The following GYPB variants were observed in gnomAD, a reference collection of about 807,000 sequenced individuals.
GYPB encodes glycophorin-B.
Under a neutral mutation model 15.3 loss-of-function variants are expected in GYPB, and 13 were observed. That is an observed-to-expected ratio of 0.85 (90% CI 0.55 to 1.35). GYPB has a LOEUF of 1.35. GYPB is among the 40% of genes most tolerant of loss of function. The pLI, the probability that GYPB is intolerant of heterozygous loss-of-function variation, is 0.00. For synonymous variants in GYPB, 38 were observed against 36.9 expected, an observed-to-expected ratio of 1.03 and a Z score of -0.11; for missense variants, 131 against 108.3, an observed-to-expected ratio of 1.21 and a Z score of -0.93.
At chr4:144,001,050 T>C (rs1579050060) in intron 2 of GYPB, 135 bp downstream of exon 2, 3 of 1,453,370 alleles carry the variant, frequency 2.1e-6, no homozygotes, top group Non-Finnish European at 2.8e-6. Flanking sequence ...TTGTGTCTAC[T>C]TAGTAGGCTG....
chr4:144,011,752 T>A (rs1728232495), intron 1 of GYPB, among the ~76,000 whole-genome samples: 1 of 151,378 alleles, frequency 6.6e-6, no homozygotes, highest in Non-Finnish European at 1.5e-5. Flanking sequence ...ACAGATTTTA[T>A]TAGGCATTCC....
intron 1 of GYPB, among the ~76,000 whole-genome samples, chr4:144,007,552 A>G (rs1471108705): frequency 6.6e-6 from 1 of 151,520 alleles, no homozygotes; most frequent in Non-Finnish European, 1.5e-5. Flanking sequence ...TTGCTGAGAC[A>G]GCAGAGGTGG....
At chr4:144,002,518 A>G (rs1727678776) in intron 1 of GYPB, 5 of 1,070,078 alleles carry the variant, frequency 4.7e-6, no homozygotes, top group Non-Finnish European at 3.8e-6. Flanking sequence ...CACTCTTCTG[A>G]GAGTTATAAA....
chr4:143,997,435 A>G lies in GYPB; in HGVS notation c.270+105T>C, dbSNP rs1727380038. 1.3e-5 allele frequency: 9 copies of G among 692,894 alleles called. No individual in the cohort carries two copies. In the Admixed American group the frequency reaches 2.0e-4, roughly 15 times the overall value. The allele number at this position is 692,894 out of a possible 1,614,324, so 42.9% of individuals were successfully genotyped here. A position where few individuals can be genotyped will look rare whatever the true frequency, so the allele number is the denominator to read the frequency against. On this transcript the variant is annotated intron_variant, in intron 4 of 4. Coordinates refer to ENST00000502664, the MANE Select transcript of GYPB (RefSeq NM_002100.6). ...GTCCAGTTGAAAAAGATGGAATTTT[A>G]TGCAGTTCTGTTTCTCTTCTGAGTT...
In GYPB at chr4:144,015,934, A is replaced by G. The variant is rs1012762126; in HGVS notation, c.37+3317T>C. On this transcript the variant is annotated intron_variant, in intron 1 of 4. Transcript: ENST00000502664. ...TTCATGGCTAAACTAGTCTGCCACA[A>G]AATTCTGGTCATTTGTCATTTGTCA... Among the ~76,000 whole-genome samples the G allele has an allele frequency of 6.0e-5, 9 of 151,082 alleles. 1 individual carries two copies. Among genetic ancestry groups the G allele is most frequent in the African/African-American group, 1.5e-4 (6 of 40,428 alleles).
intron 1 of GYPB, among the ~76,000 whole-genome samples, chr4:144,007,092 G>A (rs1173433300): frequency 1.3e-5 from 2 of 150,758 alleles, no homozygotes; most frequent in Non-Finnish European, 2.9e-5. Context: ...ACTGTCTGTG[G>A]CCATTCATTT....
chr4:144,006,219 C>T (rs1404420161), intron 1 of GYPB, among the ~76,000 whole-genome samples: 13 of 151,942 alleles, frequency 8.6e-5, no homozygotes, highest in African/African-American at 3.2e-4. Flanking sequence ...AATTGGTATA[C>T]TTTCTAGAAA....
At chr4:144,013,053 A>T (rs1728299216) in intron 1 of GYPB, among the ~76,000 whole-genome samples, 1 of 151,700 alleles carries the variant, frequency 6.6e-6, no homozygotes, top group Non-Finnish European at 1.5e-5. Context: ...AGTATATCTG[A>T]TAAGACTCTT....
In GYPB at chr4:144,001,131, G is replaced by A. The variant is rs149129668; in HGVS notation, c.136+54C>T. 994 of 1,611,844 alleles carry A rather than the reference G, an allele frequency of 6.2e-4. 61 individuals are homozygous for A. In the African/African-American group the frequency reaches 0.012, roughly 19 times the overall value. Reference sequence around the variant, plus strand: ...GTGACAGGTCCCCTAAAATAGGGTTGCATCACAAAAATCATTTCGGAGCCA... The same window carrying A: ...GTGACAGGTCCCCTAAAATAGGGTTACATCACAAAAATCATTTCGGAGCCA... On this transcript the variant is annotated intron_variant, in intron 2 of 4. Coordinates refer to ENST00000502664, the MANE Select transcript of GYPB (RefSeq NM_002100.6).
At chr4:144,011,825 G>T (rs1728236117) in intron 1 of GYPB, among the ~76,000 whole-genome samples, 1 of 151,278 alleles carries the variant, frequency 6.6e-6, no homozygotes, top group Admixed American at 6.6e-5. Flanking sequence ...TGTTTTTGAA[G>T]TCTGAATCTA....
At chr4:144,014,176 G>A (rs1728371337) in intron 1 of GYPB, among the ~76,000 whole-genome samples, 1 of 151,814 alleles carries the variant, frequency 6.6e-6, no homozygotes, top group African/African-American at 2.4e-5. Context: ...CAGCTCCTGT[G>A]GAAAAGAGTT....
At chr4:144,007,419 G>T (rs1273331729) in intron 1 of GYPB, among the ~76,000 whole-genome samples, 2 of 151,762 alleles carry the variant, frequency 1.3e-5, no homozygotes, top group Non-Finnish European at 2.9e-5. Flanking sequence ...GAAGGGTGCT[G>T]TATTTATTCT....
Position 144,001,592 on chromosome 4 carries a change from ATTAGT to A in GYPB, c.38-314_38-310del, listed in dbSNP as rs766421136. 1.3e-4 allele frequency among the ~76,000 whole-genome samples: 20 copies of A among 151,432 alleles called. No individual in the cohort carries two copies. The East Asian group carries it at 3.1e-3, about 23-fold the overall frequency. On this transcript the variant is annotated intron_variant, in intron 1 of 4. Coordinates refer to ENST00000502664, the MANE Select transcript of GYPB (RefSeq NM_002100.6). ...CCTCAAAATGTCATTGTGAGAACGA[ATTAGT>A]TTAAATATGTGTGTGTATGTGGTAT...
intron 1 of GYPB, among the ~76,000 whole-genome samples, chr4:144,003,105 A>C (rs1233527771): frequency 7.3e-5 from 11 of 151,576 alleles, no homozygotes; most frequent in Non-Finnish European, 1.5e-4. Context: ...GATTAAAATT[A>C]CAGAAAGACA....
intron 1 of GYPB, among the ~76,000 whole-genome samples, chr4:144,018,930 C>G (rs1244379230): frequency 6.6e-6 from 1 of 151,412 alleles, no homozygotes; most frequent in Admixed American, 6.6e-5. Context: ...CTCCTTATAA[C>G]TCAAACAAAG....
chr4:144,003,189 T>G (rs1480498479), intron 1 of GYPB, among the ~76,000 whole-genome samples: 2 of 151,476 alleles, frequency 1.3e-5, no homozygotes, highest in Non-Finnish European at 2.9e-5. Context: ...TCCATCTCTC[T>G]TAATAAATGT....
At chr4:144,004,640 A>G (rs1285553891) in intron 1 of GYPB, among the ~76,000 whole-genome samples, 1 of 151,584 alleles carries the variant, frequency 6.6e-6, no homozygotes, top group African/African-American at 2.4e-5. Context: ...GAGAAACCAA[A>G]GAAACATCCT....
At chr4:144,009,223 A>G (rs1728085988) in intron 1 of GYPB, among the ~76,000 whole-genome samples, 1 of 151,398 alleles carries the variant, frequency 6.6e-6, no homozygotes, top group African/African-American at 2.5e-5. Flanking sequence ...TTTGGCCTGC[A>G]GCCTCACAAC....
At chr4:143,997,968 A>G (rs560293528) in intron 3 of GYPB, among the ~76,000 whole-genome samples, 2 of 151,394 alleles carry the variant, frequency 1.3e-5, no homozygotes, top group East Asian at 3.9e-4. Flanking sequence ...TATGGGGAAA[A>G]AAACCCACAA....
Sources: allele counts gnomAD v4.1 joint callset (sites outside exome capture counted in the v4.1 genomes callset), GRCh38; gene constraint gnomAD v4.1.1; transcripts MANE v1.5; gene names NCBI Gene and HGNC (gene_info 2026-07-23, HGNC 2026-07-21).